The following FGFR2 variants were observed in gnomAD, a reference collection of about 807,000 sequenced individuals.
The protein encoded by FGFR2 is BEK fibroblast growth factor receptor.
Under a neutral mutation model 95.9 loss-of-function variants are expected in FGFR2, and 19 were observed. The ratio of observed to expected loss-of-function variants is 0.20; its 90% CI spans 0.14 to 0.29. The LOEUF is 0.29. FGFR2 is among the 10% of genes least tolerant of loss of function. FGFR2 has a pLI of 1.00. For missense variants in FGFR2, 707 were observed against 1,056.9 expected, an observed-to-expected ratio of 0.67 and a Z score of 4.59; for synonymous variants, 392 against 393.3, an observed-to-expected ratio of 1.00 and a Z score of 0.04.
intron 9 of FGFR2, among the ~76,000 whole-genome samples, chr10:121,508,224 G>A (rs1384598747): frequency 6.6e-6 from 1 of 152,180 alleles, no homozygotes; most frequent in Admixed American, 6.5e-5. Context: ...GACATTAAAG[G>A]CTGACTGCAG....
At chr10:121,535,470 A>G (rs1476474044) in intron 6 of FGFR2, among the ~76,000 whole-genome samples, 1 of 152,202 alleles carries the variant, frequency 6.6e-6, no homozygotes, top group Non-Finnish European at 1.5e-5. Flanking sequence ...TTGTTCTAAC[A>G]TTCATGAGTT....
chr10:121,509,830 G>T (rs912675307), intron 9 of FGFR2, among the ~76,000 whole-genome samples: 1 of 151,828 alleles, frequency 6.6e-6, no homozygotes, highest in Non-Finnish European at 1.5e-5. Flanking sequence ...ATCTAGAGGG[G>T]ATTTCTCAGA....
chr10:121,564,223 A>C, intron 4 of FGFR2: 1 of 497,864 alleles, frequency 2.0e-6, no homozygotes, highest in Non-Finnish European at 3.7e-6. Flanking sequence ...AATAGGGAGA[A>C]GTCAAAGGGA....
intron 9 of FGFR2, among the ~76,000 whole-genome samples, chr10:121,513,984 C>G (rs1000302136): frequency 6.6e-6 from 1 of 152,088 alleles, no homozygotes; most frequent in African/African-American, 2.4e-5. Context: ...TACCTGAAGT[C>G]CCGGGAGAGG....
intron 4 of FGFR2, among the ~76,000 whole-genome samples, chr10:121,561,405 C>A (rs1313581064): frequency 8.6e-5 from 11 of 127,468 alleles, no homozygotes; most frequent in Non-Finnish European, 1.3e-4. Flanking sequence ...GCCTGGGCAA[C>A]AAGAGCGAAA....
chr10:121,524,289 G>A (rs895556287), intron 6 of FGFR2, among the ~76,000 whole-genome samples: 3 of 152,016 alleles, frequency 2.0e-5, no homozygotes, highest in East Asian at 1.9e-4. Flanking sequence ...CTCCCCCTCC[G>A]CCCTTTCTCA....
chr10:121,498,895 T>C (rs1440982014), intron 11 of FGFR2, among the ~76,000 whole-genome samples: 1 of 152,104 alleles, frequency 6.6e-6, no homozygotes, highest in Admixed American at 6.5e-5. Context: ...TGAGATAATC[T>C]CATCCTCTGC....
chr10:121,594,312 A>T (rs1863128951), intron 1 of FGFR2, among the ~76,000 whole-genome samples: 1 of 152,206 alleles, frequency 6.6e-6, no homozygotes, highest in Non-Finnish European at 1.5e-5. Flanking sequence ...AAGCAACGTG[A>T]CCTTAGTTTC....
In FGFR2 at chr10:121,517,179, CCTG is replaced by C; in HGVS notation, c.1084+137_1084+139del. 1 of 935,768 alleles carries C rather than the reference CCTG, an allele frequency of 1.1e-6. No homozygotes were observed. The highest frequency in any genetic ancestry group is 1.7e-6 in the Non-Finnish European group (1 of 593,632). The allele number at this position is 935,768 out of a possible 1,614,324, so 58.0% of individuals were successfully genotyped here. A position where few individuals can be genotyped will look rare whatever the true frequency, so the allele number is the denominator to read the frequency against. ...GAATTTCCAAGGCAGTTTTCTTATC[CCTG>C]AGGGATCATTTTTAACATTTTTTAT... On this transcript the variant is annotated intron_variant, in intron 8 of 17. Transcript: ENST00000358487. This position sits in a 1 kb window ranked among gnomAD's most constrained non-coding sequence, Gnocchi z 4.7.
chr10:121,479,480 C>A lies in FGFR2; in HGVS notation c.*377G>T. 1 of 753,672 alleles carries A rather than the reference C, an allele frequency of 1.3e-6. No individual in the cohort carries two copies. The highest frequency in any genetic ancestry group is 2.1e-6 in the Non-Finnish European group (1 of 466,744). 46.7% of individuals were successfully genotyped at this position (753,672 alleles called of 1,614,324 possible). On this transcript the variant is annotated 3_prime_UTR_variant, in exon 18 of 18. Coordinates refer to ENST00000358487, the MANE Select transcript of FGFR2 (RefSeq NM_000141.5). Reference sequence around the variant, plus strand: ...GAATATATTTACATACATCCAGCACCTATATACTGCATTTGTGCTCTGTAA... The same window carrying A: ...GAATATATTTACATACATCCAGCACATATATACTGCATTTGTGCTCTGTAA...
At chr10:121,549,371 G>C (rs1177000897) in intron 5 of FGFR2, among the ~76,000 whole-genome samples, 1 of 152,132 alleles carries the variant, frequency 6.6e-6, no homozygotes, top group Non-Finnish European at 1.5e-5. Flanking sequence ...ACACAGTCCT[G>C]GACACCCCAC....
chr10:121,589,597 T>G (rs1275821989), intron 2 of FGFR2, among the ~76,000 whole-genome samples: 4 of 152,168 alleles, frequency 2.6e-5, no homozygotes, highest in Non-Finnish European at 5.9e-5. Context: ...TACCCCAAAT[T>G]TGAATCAGAG....
intron 13 of FGFR2, among the ~76,000 whole-genome samples, chr10:121,488,777 T>A (rs1845761135): frequency 6.6e-6 from 1 of 152,190 alleles, no homozygotes; most frequent in African/African-American, 2.4e-5. Flanking sequence ...CTTATAGATC[T>A]GTATCTGATC....
At chr10:121,504,122 T>C (rs779170516) in intron 9 of FGFR2, among the ~76,000 whole-genome samples, 181 bp from the exon 10 acceptor site, 3 of 152,244 alleles carry the variant, frequency 2.0e-5, no homozygotes, top group Non-Finnish European at 4.4e-5. Flanking sequence ...GTCCATGCAG[T>C]ACCAGATTTC....
rs181733603 is a variant in FGFR2 at position 121,487,716 on chromosome 10, T to C, written c.1986+275A>G. Among the ~76,000 whole-genome samples the C allele has an allele frequency of 2.5e-3, 377 of 152,358 alleles. 9 individuals are homozygous for C. Among genetic ancestry groups the C allele is most frequent in the Admixed American group, 0.023 (358 of 15,312 alleles). On this transcript the variant is annotated intron_variant, in intron 14 of 17. Transcript: ENST00000358487. Reference sequence around the variant, plus strand: ...AACCAGTAACTTCCAAGCTGTAGTTTTTGCTATGAAAGTTCTTGATGAGAA... The same window carrying C: ...AACCAGTAACTTCCAAGCTGTAGTTCTTGCTATGAAAGTTCTTGATGAGAA...
At chr10:121,524,076 A>T (rs1850938466) in intron 6 of FGFR2, among the ~76,000 whole-genome samples, 1 of 148,638 alleles carries the variant, frequency 6.7e-6, no homozygotes. Context: ...TTATTAAGTT[A>T]TTCCAATGCT....
chr10:121,557,440 C>G (rs1435352844), intron 4 of FGFR2, among the ~76,000 whole-genome samples: 1 of 152,138 alleles, frequency 6.6e-6, no homozygotes, highest in Non-Finnish European at 1.5e-5. Context: ...TCCCAAGTAA[C>G]TGGGACTGCA....
intron 6 of FGFR2, among the ~76,000 whole-genome samples, chr10:121,536,304 C>A (rs1852807914): frequency 6.6e-6 from 1 of 152,136 alleles, no homozygotes; most frequent in Admixed American, 6.5e-5. Flanking sequence ...ACTGAAAATG[C>A]CTTTTACTCC....
At chr10:121,589,136 T>G (rs761643596) in intron 2 of FGFR2, among the ~76,000 whole-genome samples, 1 of 152,182 alleles carries the variant, frequency 6.6e-6, no homozygotes, top group Non-Finnish European at 1.5e-5. Flanking sequence ...CCAGCTATAT[T>G]TCCTACCTAG....
Sources: allele counts gnomAD v4.1 joint callset (sites outside exome capture counted in the v4.1 genomes callset), GRCh38; gene constraint gnomAD v4.1.1; non-coding constraint Gnocchi (gnomAD v3.1); transcripts MANE v1.5; gene names NCBI Gene and HGNC (gene_info 2026-07-23, HGNC 2026-07-21).